The following PPP1R36 variants were observed in gnomAD, a reference collection of about 807,000 sequenced individuals.
PPP1R36 encodes the protein protein phosphatase 1 regulatory subunit 36, also known as chromosome 14 open reading frame 50.
In PPP1R36, 47 loss-of-function variants were observed where a neutral mutation model predicts 53.4. The observed-to-expected ratio is 0.88, with a 90% CI of 0.70 to 1.12. The LOEUF (loss-of-function observed/expected upper bound fraction) is 1.12, where lower values mean the gene tolerates loss of function less well. Among genes scored for constraint, PPP1R36 ranks in the 50% most tolerant of loss-of-function variants. The pLI is 0.00. For synonymous variants in PPP1R36, 153 were observed against 170.5 expected, an observed-to-expected ratio of 0.90 and a Z score of 0.80; for missense variants, 456 against 513.9, an observed-to-expected ratio of 0.89 and a Z score of 1.09.
chr14:64,570,591 T>C (rs2080294509), intron 7 of PPP1R36, among the ~76,000 whole-genome samples: 2 of 152,194 alleles, frequency 1.3e-5, no homozygotes, highest in Non-Finnish European at 2.9e-5. Context: ...TAGAATTAAA[T>C]ATTGATTGCA....
rs746506571 is a variant in PPP1R36 at position 64,551,006 on chromosome 14, A to T, written c.134+21A>T. 7 of 1,520,926 alleles carry T rather than the reference A, an allele frequency of 4.6e-6. No homozygotes were observed. In the South Asian group the frequency reaches 8.1e-5, roughly 18 times the overall value. The allele number at this position is 1,520,926 out of a possible 1,614,324, so 94.2% of individuals were successfully genotyped here. ...AGAAGGTAAAATTTAACAACACTTTATTAGAGTTTTTATAAAAATTACATG... is the reference window on the plus strand; with the variant it reads ...AGAAGGTAAAATTTAACAACACTTTTTTAGAGTTTTTATAAAAATTACATG... On this transcript the variant is annotated intron_variant, in intron 2 of 11. Transcript: ENST00000298705.
chr14:64,587,818 G>A (rs944291645), intron 10 of PPP1R36, among the ~76,000 whole-genome samples: 16 of 151,914 alleles, frequency 1.1e-4, no homozygotes, highest in Non-Finnish European at 1.0e-4. Flanking sequence ...GAAGGCAGTG[G>A]CATGATCACA....
At position 64,587,306 on chromosome 14, in the gene PPP1R36, C is replaced by A. The variant is rs1001904568; in HGVS notation, c.824C>A (p.Pro275His). Reference sequence around the variant, plus strand: ...TTTCGTACCAATATGTTCAACATTCCTCGCAGGAGGCGTGAAGATGAGGAA... The same window carrying A: ...TTTCGTACCAATATGTTCAACATTCATCGCAGGAGGCGTGAAGATGAGGAA... ...RLFRTNMFNI[P>H]RRRREDEESG... Residue 275 changes from proline to histidine, a missense_variant, in exon 10 of 12, where the codon CCT becomes CAT. Pro to His is a moderately conservative substitution (Grantham distance 77, BLOSUM62 -2). Coordinates refer to ENST00000298705, the MANE Select transcript of PPP1R36 (RefSeq NM_172365.3). 1 of 1,613,856 alleles carries A rather than the reference C, an allele frequency of 6.2e-7. No homozygotes were observed. The highest frequency in any genetic ancestry group is 8.5e-7 in the Non-Finnish European group (1 of 1,179,894).
Position 64,550,957 on chromosome 14 carries a change from G to A in PPP1R36, c.106G>A (p.Asp36Asn), listed in dbSNP as rs1190406362. 6.2e-7 allele frequency: 1 copy of A among 1,609,332 alleles called. No homozygotes were observed. Among genetic ancestry groups the A allele is most frequent in the Admixed American group, 1.7e-5 (1 of 59,204 alleles). ...GLRLGMWYWKDETRTLEFRRF... is the reference protein window; with the variant it reads ...GLRLGMWYWKNETRTLEFRRF... ...ACGATTAGGGATGTGGTACTGGAAAGATGAAACCAGAACTCTTGAATTCAG... is the reference window on the plus strand; with the variant it reads ...ACGATTAGGGATGTGGTACTGGAAAAATGAAACCAGAACTCTTGAATTCAG... The change falls in exon 2 of 12, where the codon GAT becomes AAT. Residue 36 changes from aspartate (D) to asparagine (N), a missense_variant. Asp to Asn is a conservative substitution (Grantham distance 23). Transcript: ENST00000298705.
At chr14:64,566,131 G>T (rs886378111) in intron 6 of PPP1R36, among the ~76,000 whole-genome samples, 8 of 152,164 alleles carry the variant, frequency 5.3e-5, no homozygotes, top group Admixed American at 2.0e-4. Flanking sequence ...AGCTGGGCGT[G>T]GTGGTGGGCG....
chr14:64,578,024 C>CT (rs748493070), intron 8 of PPP1R36, among the ~76,000 whole-genome samples: 134 of 136,424 alleles, frequency 9.8e-4, no homozygotes, highest in African/African-American at 3.1e-3. Flanking sequence ...TGCACCTGGC[C>CT]TTTTTTTTTT....
intron 3 of PPP1R36, among the ~76,000 whole-genome samples, chr14:64,555,556 T>A (rs1473795922): frequency 1.3e-5 from 2 of 152,148 alleles, no homozygotes; most frequent in South Asian, 2.1e-4. Context: ...TTTTTCTAAA[T>A]AGGAAAAGGA....
intron 3 of PPP1R36, chr14:64,561,793 CT>C: frequency 2.2e-6 from 1 of 456,004 alleles, no homozygotes; most frequent in Non-Finnish European, 4.4e-6. Flanking sequence ...TCAAGTGCCC[CT>C]ATTCCAAAGC....
At chr14:64,551,232 CTG>C (rs1456862115) in intron 2 of PPP1R36, among the ~76,000 whole-genome samples, 1 of 152,196 alleles carries the variant, frequency 6.6e-6, no homozygotes, top group Non-Finnish European at 1.5e-5. Context: ...GATGAAGAAA[CTG>C]AGGTTTCAAA....
intron 3 of PPP1R36, among the ~76,000 whole-genome samples, chr14:64,555,151 T>C (rs1156290557): frequency 6.6e-6 from 1 of 152,256 alleles, no homozygotes; most frequent in East Asian, 1.9e-4. Flanking sequence ...TGTCTCACTT[T>C]CCTTATTATT....
At chr14:64,574,314 C>A in intron 7 of PPP1R36, 141 bp from the exon 8 acceptor site, 1 of 769,826 alleles carries the variant, frequency 1.3e-6, no homozygotes, top group Non-Finnish European at 2.0e-6. Context: ...GTGATCGCAC[C>A]ACTGCACTCC....
At chr14:64,584,229 A>G (rs2080414131) in intron 8 of PPP1R36, among the ~76,000 whole-genome samples, 1 of 152,162 alleles carries the variant, frequency 6.6e-6, no homozygotes, top group Non-Finnish European at 1.5e-5. Context: ...GTCTAAAAAA[A>G]GAACCCAGAA....
intron 8 of PPP1R36, among the ~76,000 whole-genome samples, chr14:64,580,366 C>T: frequency 6.6e-6 from 1 of 152,184 alleles, no homozygotes. Context: ...ATATACATTG[C>T]AAACCAATGT....
chr14:64,571,237 T>C (rs2080301072), intron 7 of PPP1R36, among the ~76,000 whole-genome samples: 1 of 152,148 alleles, frequency 6.6e-6, no homozygotes, highest in Non-Finnish European at 1.5e-5. Context: ...GTGATTCTCC[T>C]GCCTCAGCCT....
chr14:64,554,121 T>C (rs1596722189), intron 3 of PPP1R36, among the ~76,000 whole-genome samples: 1 of 149,448 alleles, frequency 6.7e-6, no homozygotes, highest in East Asian at 2.0e-4. Context: ...TGTTAAAGTC[T>C]GAGCAAATCC....
At chr14:64,556,762 A>ATGTGTGTATGTG (rs2080157289) in intron 3 of PPP1R36, among the ~76,000 whole-genome samples, 2 of 133,970 alleles carry the variant, frequency 1.5e-5, no homozygotes, top group South Asian at 5.4e-4. Flanking sequence ...TCTCCAAAAA[A>ATGTGTGTATGTG]TGTGTGTGTG....
At chr14:64,583,321 C>A (rs2140248150) in intron 8 of PPP1R36, among the ~76,000 whole-genome samples, 1 of 152,054 alleles carries the variant, frequency 6.6e-6, no homozygotes, top group South Asian at 2.1e-4. Flanking sequence ...AGGAAAACGA[C>A]TCAAAATATA....
In PPP1R36 at chr14:64,552,856, C is replaced by T; in HGVS notation, c.177C>T (p.His59=). 5 of 1,613,484 alleles carry T rather than the reference C, an allele frequency of 3.1e-6. No homozygotes were observed. Among genetic ancestry groups the T allele is most frequent in the African/African-American group, 2.7e-5 (2 of 75,030 alleles). The part of the protein sequence containing the change: ...EDSVQWLLKH[H]PHFTPAAEVK... ...CTGTCCAGTGGCTCCTGAAACATCA[C>T]CCTCAGTGAGTGTGAGACAGACAGT... Residue 59 remains histidine, a synonymous_variant, in exon 3 of 12, where the codon CAC becomes CAT. Coordinates refer to ENST00000298705, the MANE Select transcript of PPP1R36 (RefSeq NM_172365.3).
intron 8 of PPP1R36, among the ~76,000 whole-genome samples, chr14:64,582,969 G>A (rs967869573): frequency 1.7e-4 from 26 of 150,260 alleles, no homozygotes; most frequent in African/African-American, 5.8e-4. Context: ...TTGGCTCACT[G>A]CAGCCTCAAC....
Sources: allele counts gnomAD v4.1 joint callset (sites outside exome capture counted in the v4.1 genomes callset), GRCh38; gene constraint gnomAD v4.1.1; transcripts MANE v1.5; gene names NCBI Gene and HGNC (gene_info 2026-07-23, HGNC 2026-07-21).